Variants in RABGEF1 observed in about 807,000 individuals in gnomAD.
RABGEF1 encodes RAB guanine nucleotide exchange factor 1, also known as rab5 GDP/GTP exchange factor.
RABGEF1 carries 26 observed loss-of-function variants against 57.3 expected under a neutral mutation model. That is an observed-to-expected ratio of 0.45 (90% CI 0.33 to 0.63). The LOEUF is 0.63. Ranked by LOEUF, RABGEF1 falls within the 20% of genes least tolerant of loss-of-function variation. The probability of loss-of-function intolerance (pLI) is 0.02; values close to 1 mark genes in which losing one functional copy is unlikely to be tolerated. For missense variants in RABGEF1, 464 were observed against 607.6 expected (o/e 0.76, Z 2.48); for synonymous variants, 185 against 210.7 (o/e 0.88, Z 1.06).
At chr7:66,672,673 A>G in the RABGEF1 span, among the ~76,000 whole-genome samples, 1 of 151,908 alleles carries the variant, frequency 6.6e-6, no homozygotes, top group South Asian at 2.1e-4. Flanking sequence ...GACATTGGAG[A>G]TGACTAGAGA....
At position 66,718,084 on chromosome 7, in the gene RABGEF1, T is replaced by TGGTG. The variant is rs1294310638; in HGVS notation, c.-815+5862_-815+5865dup. Among the ~76,000 whole-genome samples the TGGTG allele has an allele frequency of 2.0e-5, 3 of 152,076 alleles. No individual in the cohort carries two copies. In the East Asian group the frequency reaches 5.8e-4, roughly 29 times the overall value. On this transcript the variant is annotated intron_variant and NMD_transcript_variant, in intron 2 of 9. Transcript: ENST00000607882. Reference sequence around the variant, plus strand: ...ACTAGTTAAATAGGTAGGCCAGGCATGGTGGCCCAGCACTTTGGGAGGCTG... The same window carrying TGGTG: ...ACTAGTTAAATAGGTAGGCCAGGCATGGTGGGTGGCCCAGCACTTTGGGAGGCTG...
chr7:66,724,548 C>T (rs1422031876), intron 2 of RABGEF1, among the ~76,000 whole-genome samples: 2 of 152,036 alleles, frequency 1.3e-5, no homozygotes, highest in Non-Finnish European at 2.9e-5. Context: ...TTAGTAGAGA[C>T]AGGGTTTCAC....
upstream of RABGEF1, among the ~76,000 whole-genome samples, chr7:66,678,581 A>G (rs1321555798): frequency 1.1e-4 from 16 of 151,604 alleles, no homozygotes; most frequent in East Asian, 9.7e-4. Flanking sequence ...AAAAAAAAAA[A>G]AAAGAAAAGG....
intron 1 of RABGEF1, chr7:66,768,717 C>T (rs1008818158): frequency 2.0e-5 from 3 of 152,222 alleles, no homozygotes; most frequent in African/African-American, 7.2e-5. Context: ...AGCGTCAGAT[C>T]CATGCATATG....
At chr7:66,799,037 G>A (rs898416190) in intron 6 of RABGEF1, among the ~76,000 whole-genome samples, 33 of 152,192 alleles carry the variant, frequency 2.2e-4, no homozygotes, top group African/African-American at 8.0e-4. Context: ...TTCTCAAATG[G>A]TCACTTTCAG....
chr7:66,679,547 G>C (rs1389001531), upstream of RABGEF1, among the ~76,000 whole-genome samples: 2 of 152,180 alleles, frequency 1.3e-5, no homozygotes. Flanking sequence ...TCAAACTCCT[G>C]ACCTCAGGTG....
intron 1 of RABGEF1, among the ~76,000 whole-genome samples, chr7:66,757,099 G>T (rs1204254749): frequency 2.0e-5 from 3 of 152,148 alleles, no homozygotes; most frequent in Non-Finnish European, 4.4e-5. Flanking sequence ...ATGGCCATTT[G>T]TAGTAAACTT....
chr7:66,721,706 G>A (rs918719465), intron 2 of RABGEF1, among the ~76,000 whole-genome samples: 1 of 152,098 alleles, frequency 6.6e-6, no homozygotes, highest in African/African-American at 2.4e-5. Context: ...AGTGGCTCAC[G>A]ACTCTAATCC....
chr7:66,675,156 C>T, the RABGEF1 span, among the ~76,000 whole-genome samples: 1 of 152,106 alleles, frequency 6.6e-6, no homozygotes, highest in East Asian at 1.9e-4. Context: ...TCCAATTTTA[C>T]AGACAGGGAA....
intron 1 of RABGEF1, among the ~76,000 whole-genome samples, chr7:66,765,555 C>T (rs1805487656): frequency 6.6e-6 from 1 of 152,078 alleles, no homozygotes; most frequent in African/African-American, 2.4e-5. Context: ...AAACCTTAGC[C>T]AGGGATTGGA....
At chr7:66,765,030 A>C (rs377046919) in intron 1 of RABGEF1, among the ~76,000 whole-genome samples, 13 of 152,026 alleles carry the variant, frequency 8.6e-5, no homozygotes, top group Admixed American at 4.6e-4. Context: ...ATGATTAGTC[A>C]ACTTAATTAT....
intron 2 of RABGEF1, among the ~76,000 whole-genome samples, chr7:66,735,527 C>T (rs1311687848): frequency 6.6e-6 from 1 of 152,166 alleles, no homozygotes; most frequent in African/African-American, 2.4e-5. Flanking sequence ...TGCCCCTGCC[C>T]AAATCTCATG....
chr7:66,656,879 A>C, the RABGEF1 span, among the ~76,000 whole-genome samples: 1 of 151,898 alleles, frequency 6.6e-6, no homozygotes, highest in African/African-American at 2.4e-5. Context: ...CATGTTAGGC[A>C]CAATAGGTTT....
chr7:66,691,032 A>G (rs1193955651), intron 1 of RABGEF1, among the ~76,000 whole-genome samples: 1 of 152,202 alleles, frequency 6.6e-6, no homozygotes, highest in Admixed American at 6.5e-5. Flanking sequence ...CAGGGGTTGC[A>G]GTGAGCCGTG....
chr7:66,716,198 T>G (rs774134259), intron 2 of RABGEF1, among the ~76,000 whole-genome samples: 4 of 152,224 alleles, frequency 2.6e-5, no homozygotes, highest in Non-Finnish European at 2.9e-5. Context: ...TTCCTTGCTT[T>G]GAGGTATAGT....
chr7:66,737,083 A>C (rs1434723851), upstream of RABGEF1, among the ~76,000 whole-genome samples: 6 of 130,730 alleles, frequency 4.6e-5, no homozygotes, highest in African/African-American at 8.3e-5. Flanking sequence ...TGAGAGAGAG[A>C]GAGCGAGAGC....
intron 5 of RABGEF1, chr7:66,796,847 T>C (rs971802481): frequency 9.6e-6 from 4 of 418,338 alleles, no homozygotes; most frequent in African/African-American, 6.4e-5. Flanking sequence ...TGCCTCAGCC[T>C]CCCAAAGTGC....
intron 2 of RABGEF1, among the ~76,000 whole-genome samples, chr7:66,724,678 T>G (rs952181389): frequency 6.6e-6 from 1 of 152,214 alleles, no homozygotes; most frequent in African/African-American, 2.4e-5. Context: ...TTTATTCTTC[T>G]TGGAGCTCTT....
chr7:66,678,571 A>G (rs1789467008), upstream of RABGEF1, among the ~76,000 whole-genome samples: 1 of 145,232 alleles, frequency 6.9e-6, no homozygotes, highest in Non-Finnish European at 1.6e-5. Flanking sequence ...TCTCAAAAAA[A>G]AAAAAAAAAA....
Sources: gnomAD v4.1 joint callset for allele counts (sites outside exome capture counted in the v4.1 genomes callset) on GRCh38, gnomAD v4.1.1 for gene constraint, MANE v1.5 for transcripts, NCBI Gene and HGNC (gene_info 2026-07-23, HGNC 2026-07-21) for gene names.